Variants in HS6ST3 observed in about 807,000 individuals in gnomAD.
HS6ST3 encodes heparan sulfate 6-O-sulfotransferase 3, also known as heparan-sulfate 6-O-sulfotransferase 3.
A neutral mutation model predicts 36.7 loss-of-function variants in HS6ST3; 12 were observed. That is an observed-to-expected ratio of 0.33 (90% CI 0.21 to 0.53). The LOEUF is 0.53. Among genes scored for constraint, HS6ST3 ranks in the 20% least tolerant of loss-of-function variants. The probability of loss-of-function intolerance (pLI) is 0.95; values close to 1 mark genes in which losing one functional copy is unlikely to be tolerated. For missense variants in HS6ST3, 584 were observed against 640.9 expected (o/e 0.91, Z 0.96); for synonymous variants, 240 against 257.5 (o/e 0.93, Z 0.65).
At chr13:96,612,607 A>C (rs1156446193) in intron 1 of HS6ST3, among the ~76,000 whole-genome samples, 2 of 152,170 alleles carry the variant, frequency 1.3e-5, no homozygotes, top group Non-Finnish European at 1.5e-5. Context: ...CACTACTTCA[A>C]GGGTGATTTT....
At chr13:96,211,073 G>A (rs2054396792) in intron 1 of HS6ST3, among the ~76,000 whole-genome samples, 1 of 151,988 alleles carries the variant, frequency 6.6e-6, no homozygotes, top group African/African-American at 2.4e-5. Context: ...TGGGATTATA[G>A]GCATGTGCCA....
chr13:96,759,854 A>G (rs1414698221), intron 1 of HS6ST3, among the ~76,000 whole-genome samples: 2 of 152,026 alleles, frequency 1.3e-5, no homozygotes, highest in Non-Finnish European at 2.9e-5. Flanking sequence ...TGAAGGGTCT[A>G]TCCTAATAAT....
chr13:96,573,971 T>C (rs2056310892), intron 1 of HS6ST3: 1 of 538,466 alleles, frequency 1.9e-6, no homozygotes, highest in African/African-American at 1.9e-5. Context: ...CAAACTCCAC[T>C]GTCAGCTCTA....
At chr13:96,388,413 T>C (rs2139450120) in intron 1 of HS6ST3, among the ~76,000 whole-genome samples, 1 of 152,358 alleles carries the variant, frequency 6.6e-6, no homozygotes, top group South Asian at 2.1e-4. Flanking sequence ...ATTAATGTAC[T>C]GAACTAGATG....
intron 1 of HS6ST3, among the ~76,000 whole-genome samples, chr13:96,693,336 C>T (rs1437638110): frequency 6.6e-6 from 1 of 152,122 alleles, no homozygotes; most frequent in East Asian, 1.9e-4. Context: ...TGGCGTTTCA[C>T]TTTTGTTACC....
At position 96,835,605 on chromosome 13, in the gene HS6ST3, AC is replaced by A. The variant is rs1878907629; in HGVS notation, c.*2408del. The A allele has an allele frequency of 1.4e-4, 2 of 14,510 alleles. No homozygotes were observed. The highest frequency in any genetic ancestry group is 3.1e-4 in the Non-Finnish European group (2 of 6,486). 0.9% of individuals were successfully genotyped at this position (14,510 alleles called of 1,614,324 possible). A position where few individuals can be genotyped will look rare whatever the true frequency, so the allele number is the denominator to read the frequency against. ...AATTATCCTTCTGCCTGCCCCTGTG[AC>A]ACACACACACACACACACACACACA... On this transcript the variant is annotated 3_prime_UTR_variant, in exon 2 of 2. Transcript: ENST00000376705.
chr13:96,184,038 TA>T (rs1466483618), intron 1 of HS6ST3, among the ~76,000 whole-genome samples: 1 of 151,556 alleles, frequency 6.6e-6, no homozygotes, highest in Non-Finnish European at 1.5e-5. Context: ...CTGTCTCTAC[TA>T]AAAATACAAA....
At chr13:96,744,631 C>T (rs546191142) in intron 1 of HS6ST3, among the ~76,000 whole-genome samples, 1 of 152,146 alleles carries the variant, frequency 6.6e-6, no homozygotes, top group East Asian at 1.9e-4. Flanking sequence ...GAGAAGCCTT[C>T]CCCTTGTGAC....
chr13:96,659,940 A>C (rs945630087), intron 1 of HS6ST3, among the ~76,000 whole-genome samples: 1 of 152,146 alleles, frequency 6.6e-6, no homozygotes, highest in Non-Finnish European at 1.5e-5. Context: ...TATTTTCATG[A>C]CAATAAACAT....
intron 1 of HS6ST3, among the ~76,000 whole-genome samples, chr13:96,295,210 A>G (rs1299885374): frequency 6.6e-6 from 1 of 152,134 alleles, no homozygotes; most frequent in Admixed American, 6.6e-5. Context: ...ATTCCATTGA[A>G]ACCTTACAGA....
At chr13:96,652,241 C>A (rs948229734) in intron 1 of HS6ST3, among the ~76,000 whole-genome samples, 4 of 152,038 alleles carry the variant, frequency 2.6e-5, no homozygotes, top group Admixed American at 2.0e-4. Context: ...TACACACATA[C>A]ATAAACACAC....
At chr13:96,328,471 G>T (rs1594754528) in intron 1 of HS6ST3, among the ~76,000 whole-genome samples, 1 of 151,962 alleles carries the variant, frequency 6.6e-6, no homozygotes, top group South Asian at 2.1e-4. Flanking sequence ...CTGTTTATAT[G>T]CTGGATTACA....
At chr13:96,288,140 C>T (rs927033527) in intron 1 of HS6ST3, among the ~76,000 whole-genome samples, 6 of 132,418 alleles carry the variant, frequency 4.5e-5, no homozygotes, top group African/African-American at 1.1e-4. Flanking sequence ...GTAATAAGCC[C>T]TAAGGGTGAT....
chr13:96,339,416 A>G (rs747768703), intron 1 of HS6ST3, among the ~76,000 whole-genome samples: 1 of 152,164 alleles, frequency 6.6e-6, no homozygotes, highest in Non-Finnish European at 1.5e-5. Context: ...AGGATCTCTC[A>G]TATTCTTCTC....
chr13:96,386,112 T>A (rs1402910128), intron 1 of HS6ST3, among the ~76,000 whole-genome samples: 6 of 152,104 alleles, frequency 3.9e-5, no homozygotes, highest in Non-Finnish European at 7.4e-5. Flanking sequence ...AAGAAAAAGA[T>A]CCATAAGAGA....
chr13:96,439,986 T>A (rs2055662568), intron 1 of HS6ST3, among the ~76,000 whole-genome samples: 1 of 152,248 alleles, frequency 6.6e-6, no homozygotes, highest in South Asian at 2.1e-4. Context: ...TGGCACCATT[T>A]CTAAAAGGCC....
intron 1 of HS6ST3, among the ~76,000 whole-genome samples, chr13:96,148,913 A>G (rs558446362): frequency 2.8e-4 from 42 of 152,354 alleles, no homozygotes; most frequent in Middle Eastern, 6.8e-3. Flanking sequence ...ACTAAGGGAC[A>G]AAATAGTCTT....
At chr13:96,345,034 G>A (rs966059455) in intron 1 of HS6ST3, among the ~76,000 whole-genome samples, 5 of 152,176 alleles carry the variant, frequency 3.3e-5, no homozygotes, top group East Asian at 1.9e-4. Flanking sequence ...TCATATGGAA[G>A]AAGCATTTGG....
At chr13:96,453,190 A>G (rs546010347) in intron 1 of HS6ST3, among the ~76,000 whole-genome samples, 187 of 152,100 alleles carry the variant, frequency 1.2e-3, no homozygotes, top group African/African-American at 4.1e-3. Context: ...TAAAAAAAAA[A>G]AAAAAAGAAA....
Sources: gnomAD v4.1 joint callset for allele counts (sites outside exome capture counted in the v4.1 genomes callset) on GRCh38, gnomAD v4.1.1 for gene constraint, MANE v1.5 for transcripts, NCBI Gene and HGNC (gene_info 2026-07-23, HGNC 2026-07-21) for gene names.